Variants in ZNF532 observed in about 807,000 individuals in gnomAD.
The protein encoded by ZNF532 is zinc finger protein 532.
A neutral mutation model predicts 89.3 loss-of-function variants in ZNF532; 22 were observed. That is an observed-to-expected ratio of 0.25 (90% CI 0.18 to 0.35). ZNF532 has a LOEUF of 0.35. ZNF532 is among the 10% of genes least tolerant of loss of function. ZNF532 has a pLI of 1.00. For synonymous variants in ZNF532, 606 were observed against 649.6 expected (o/e 0.93, Z 1.02); for missense variants, 1,132 against 1,643.4 (o/e 0.69, Z 5.38).
chr18:58,884,641 A>G (rs1173772479), intron 2 of ZNF532, among the ~76,000 whole-genome samples: 4 of 152,220 alleles, frequency 2.6e-5, no homozygotes, highest in African/African-American at 7.2e-5. Context: ...TACTTACAAA[A>G]TGCCAAAGGA....
At chr18:58,894,173 TA>T (rs1258909402) in intron 2 of ZNF532, among the ~76,000 whole-genome samples, 3 of 152,082 alleles carry the variant, frequency 2.0e-5, no homozygotes, top group African/African-American at 4.8e-5. Context: ...CCATTGAAAG[TA>T]GACTTTCCGG....
intron 6 of ZNF532, among the ~76,000 whole-genome samples, chr18:58,952,594 T>TG (rs1299466681): frequency 6.6e-6 from 1 of 152,106 alleles, no homozygotes; most frequent in Non-Finnish European, 1.5e-5. Flanking sequence ...TTTGTAGAGA[T>TG]GGGGTCTCTC....
intron 2 of ZNF532, among the ~76,000 whole-genome samples, chr18:58,895,384 C>A (rs534871187): frequency 6.6e-6 from 1 of 152,204 alleles, no homozygotes; most frequent in Non-Finnish European, 1.5e-5. Context: ...TATGCTCTAG[C>A]CCTTCTTGGC....
chr18:58,924,638 A>G (rs2061387655), intron 3 of ZNF532, among the ~76,000 whole-genome samples: 1 of 152,182 alleles, frequency 6.6e-6, no homozygotes, highest in Non-Finnish European at 1.5e-5. Context: ...GAACTTGTAT[A>G]CCCTTCATCC....
intron 8 of ZNF532, chr18:58,980,518 A>G (rs957461416): frequency 6.6e-6 from 1 of 152,276 alleles, no homozygotes; most frequent in Non-Finnish European, 1.5e-5. Context: ...AGGGCCAATC[A>G]GTATGAATTC....
intron 3 of ZNF532, among the ~76,000 whole-genome samples, chr18:58,926,966 T>TGTA (rs2061576432): frequency 6.6e-6 from 1 of 152,222 alleles, no homozygotes; most frequent in Non-Finnish European, 1.5e-5. Context: ...TCTATATGCA[T>TGTA]GTAGATATCC....
At chr18:58,920,755 TG>T (rs2060992486) in intron 3 of ZNF532, 122 bp downstream of exon 3, 1 of 571,016 alleles carries the variant, frequency 1.8e-6, no homozygotes, top group African/African-American at 2.0e-5. Context: ...TGTGTGTGTG[TG>T]TGTGTGTGTG....
At position 58,942,074 on chromosome 18, in the gene ZNF532, G is replaced by T. The variant is rs535635020; in HGVS notation, c.2705+2453G>T. 4.1e-3 allele frequency among the ~76,000 whole-genome samples: 586 copies of T among 143,976 alleles called. 2 individuals are homozygous for T. The highest frequency in any genetic ancestry group is 9.2e-3 in the African/African-American group (358 of 38,816). The allele number at this position is 143,976 out of a possible 152,430, so 94.5% of individuals were successfully genotyped here. On this transcript the variant is annotated intron_variant, in intron 5 of 9. Transcript: ENST00000591808. The stretch of plus-strand genomic sequence containing the variant: ...GTCTCGCTGTGTCGCCCAGGCTGGA[G>T]TGCAGTGGCACGATCTCAGCTCACT...
intron 2 of ZNF532, among the ~76,000 whole-genome samples, chr18:58,888,869 A>AAAT (rs2058651802): frequency 4.7e-5 from 2 of 42,672 alleles, no homozygotes; most frequent in African/African-American, 1.2e-4. Context: ...TATATATATA[A>AAAT]TATATATTAT....
intron 8 of ZNF532, chr18:58,979,981 T>TGTCACTCAGCTGGAATATACCTGGA (rs2067548824): frequency 1.3e-5 from 2 of 152,230 alleles, no homozygotes; most frequent in African/African-American, 4.8e-5. Flanking sequence ...AGTGAAAGGC[T>TGTCACTCAGCTGGAATATACCTGGA]GTCACTCAGC....
At chr18:58,925,054 A>G (rs1216563819) in intron 3 of ZNF532, among the ~76,000 whole-genome samples, 1 of 152,236 alleles carries the variant, frequency 6.6e-6, no homozygotes, top group Non-Finnish European at 1.5e-5. Context: ...GTTGGGGGCT[A>G]TGATGGATAA....
rs1188960384 is a variant in ZNF532, at chr18:58,880,769, C to CGTGTGTGTGTGTGTGT, written c.-18+15191_-18+15192insTGTGTGTGTGTGTGTG. 9.1e-5 allele frequency among the ~76,000 whole-genome samples: 12 copies of CGTGTGTGTGTGTGTGT among 131,196 alleles called. No homozygotes were observed. In the East Asian group the frequency reaches 3.9e-3, roughly 43 times the overall value. 86.1% of individuals were successfully genotyped at this position (131,196 alleles called of 152,430 possible). A position where few individuals can be genotyped will look rare whatever the true frequency, so the allele number is the denominator to read the frequency against. On this transcript the variant is annotated intron_variant, in intron 2 of 9. Coordinates refer to ENST00000591808, the MANE Select transcript of ZNF532 (RefSeq NM_001375912.1). ...TCTCATAGGCGCGCGCGCACGCGCG[C>CGTGTGTGTGTGTGTGT]GCGTCTGTGTGTGTGTGTGTATGTT...
chr18:58,935,484 C>A (rs1324765909), intron 4 of ZNF532, among the ~76,000 whole-genome samples: 1 of 45,362 alleles, frequency 2.2e-5, no homozygotes, highest in Non-Finnish European at 4.4e-5. Flanking sequence ...CCTTCTCCCC[C>A]CTCTTCCCCC....
In ZNF532 at chr18:58,934,032, G is replaced by C. The variant is rs11152109; in HGVS notation, c.2347-401G>C. On this transcript the variant is annotated intron_variant, in intron 3 of 9. Transcript: ENST00000591808. ...ATTAATTTTTATTATTTTGGAGAAA[G>C]CTTTTTATGAATTGTGAGGACTGTG... 1.2e-3 allele frequency among the ~76,000 whole-genome samples: 188 copies of C among 152,286 alleles called. 4 individuals carry two copies. The East Asian group carries it at 0.034, about 27-fold the overall frequency.
intron 2 of ZNF532, among the ~76,000 whole-genome samples, chr18:58,891,631 T>C (rs1203684627): frequency 6.6e-6 from 1 of 152,240 alleles, no homozygotes; most frequent in African/African-American, 2.4e-5. Context: ...GACTTTTTAC[T>C]GTTAGTGTTG....
intron 7 of ZNF532, among the ~76,000 whole-genome samples, chr18:58,956,052 T>C (rs1007230062): frequency 6.6e-5 from 10 of 152,258 alleles, no homozygotes; most frequent in African/African-American, 2.4e-4. Flanking sequence ...CAGAACTCTT[T>C]TCCTTTTTTA....
At chr18:58,888,054 T>C (rs1354316512) in intron 2 of ZNF532, among the ~76,000 whole-genome samples, 1 of 152,220 alleles carries the variant, frequency 6.6e-6, no homozygotes. Flanking sequence ...CTTCATATCT[T>C]TAAGGATTTT....
chr18:58,863,324 C>T (rs908310421), upstream of ZNF532, among the ~76,000 whole-genome samples: 2 of 151,226 alleles, frequency 1.3e-5, no homozygotes, highest in African/African-American at 2.4e-5. Context: ...CGAGACTTGG[C>T]AGGTCCGCGG....
chr18:58,933,071 A>G (rs986843849), intron 3 of ZNF532, among the ~76,000 whole-genome samples: 1 of 152,164 alleles, frequency 6.6e-6, no homozygotes. Context: ...ACAAATGGTT[A>G]CCTGTGGTAA....
Sources: allele counts gnomAD v4.1 joint callset (sites outside exome capture counted in the v4.1 genomes callset), GRCh38; gene constraint gnomAD v4.1.1; transcripts MANE v1.5; gene names NCBI Gene and HGNC (gene_info 2026-07-23, HGNC 2026-07-21).